The following STMN4 variants were observed in gnomAD, a reference collection of about 807,000 sequenced individuals.
The protein encoded by STMN4 is stathmin-4.
A neutral mutation model predicts 29.1 loss-of-function variants in STMN4; 12 were observed. That is an observed-to-expected ratio of 0.41 (90% CI 0.26 to 0.67). The LOEUF (loss-of-function observed/expected upper bound fraction) is 0.67, where lower values mean the gene tolerates loss of function less well. Ranked by LOEUF, STMN4 falls within the 30% of genes least tolerant of loss-of-function variation. The probability of loss-of-function intolerance (pLI) is 0.30; values close to 1 mark genes in which losing one functional copy is unlikely to be tolerated. For missense variants in STMN4, 181 were observed against 262.8 expected, an observed-to-expected ratio of 0.69 and a Z score of 2.15; for synonymous variants, 114 against 105.3, an observed-to-expected ratio of 1.08 and a Z score of -0.51.
At chr8:27,244,131 CAA>C (rs1172789161) in intron 1 of STMN4, among the ~76,000 whole-genome samples, 5 of 152,170 alleles carry the variant, frequency 3.3e-5, no homozygotes, top group African/African-American at 1.2e-4. Flanking sequence ...GAACCTGGCC[CAA>C]TTCAAGGGTT....
At chr8:27,239,616 A>G (rs1027835848) in intron 6 of STMN4, 5 of 1,192,002 alleles carry the variant, frequency 4.2e-6, no homozygotes, top group South Asian at 1.7e-5. Flanking sequence ...CATCAAATCA[A>G]TCCATTCAGG....
At chr8:27,257,384 A>G (rs1405398333) in intron 1 of STMN4, among the ~76,000 whole-genome samples, 2 of 151,444 alleles carry the variant, frequency 1.3e-5, no homozygotes, top group African/African-American at 4.9e-5. Flanking sequence ...GTCTTAAGAC[A>G]GGGGGTATCC....
chr8:27,248,336 A>T (rs775371273), intron 1 of STMN4, among the ~76,000 whole-genome samples: 3 of 152,154 alleles, frequency 2.0e-5, no homozygotes, highest in South Asian at 2.1e-4. Flanking sequence ...GTTACTATGC[A>T]ATTGAGGTTC....
Position 27,236,526 on chromosome 8 carries a change from C to A in STMN4, c.*320G>T. 1 of 197,918 alleles carries A rather than the reference C, an allele frequency of 5.1e-6. No individual in the cohort carries two copies. The highest frequency in any genetic ancestry group is 1.0e-5 in the Non-Finnish European group (1 of 98,074). The allele number at this position is 197,918 out of a possible 1,614,324, so 12.3% of individuals were successfully genotyped here. On this transcript the variant is annotated 3_prime_UTR_variant, in exon 7 of 7. Coordinates refer to ENST00000350889, the MANE Select transcript of STMN4 (RefSeq NM_030795.4). ...CTCTCCTCAACATGGTGCCTGGAGG[C>A]TCAATGTCCAGGTAGAGATGTGAAA...
chr8:27,252,466 T>G (rs1248661580), intron 1 of STMN4, among the ~76,000 whole-genome samples: 1 of 152,128 alleles, frequency 6.6e-6, no homozygotes, highest in Admixed American at 6.6e-5. Flanking sequence ...AAAAAAATTT[T>G]TTAAGGTAGA....
chr8:27,240,638 G>A (rs2130061972), intron 5 of STMN4, among the ~76,000 whole-genome samples: 1 of 152,244 alleles, frequency 6.6e-6, no homozygotes, highest in African/African-American at 2.4e-5. Context: ...ATAGAAGACG[G>A]TATCAGAATC....
At chr8:27,256,389 G>T (rs1801942819) in intron 1 of STMN4, among the ~76,000 whole-genome samples, 1 of 151,970 alleles carries the variant, frequency 6.6e-6, no homozygotes, top group South Asian at 2.1e-4. Flanking sequence ...AAAAAAAAAA[G>T]GTTGACTATC....
intron 1 of STMN4, among the ~76,000 whole-genome samples, chr8:27,257,001 G>A (rs1801960332): frequency 6.6e-6 from 1 of 152,126 alleles, no homozygotes; most frequent in African/African-American, 2.4e-5. Context: ...ATGCCAGGAG[G>A]GCTGGGACCA....
In STMN4 at chr8:27,240,556, G is replaced by A. The variant is rs145224755; in HGVS notation, c.400-394C>T. On this transcript the variant is annotated intron_variant, in intron 5 of 6. Coordinates refer to ENST00000350889, the MANE Select transcript of STMN4 (RefSeq NM_030795.4). ...CTAGTGTAGACATATGCCCTAAGGTGTAGACAGGATGCACTGAAGGAATTC... is the reference window on the plus strand; with the variant it reads ...CTAGTGTAGACATATGCCCTAAGGTATAGACAGGATGCACTGAAGGAATTC... Among the ~76,000 whole-genome samples the A allele has an allele frequency of 1.8e-4, 28 of 152,254 alleles. No individual in the cohort carries two copies. In the East Asian group the frequency reaches 4.1e-3, roughly 22 times the overall value.
chr8:27,245,514 TTC>T (rs1801599896), intron 1 of STMN4, among the ~76,000 whole-genome samples: 1 of 152,264 alleles, frequency 6.6e-6, no homozygotes, highest in Non-Finnish European at 1.5e-5. Flanking sequence ...ACAATGGGTC[TTC>T]TCTCTGCAGA....
chr8:27,248,645 T>C (rs535605584), intron 1 of STMN4, among the ~76,000 whole-genome samples: 6 of 152,314 alleles, frequency 3.9e-5, no homozygotes, highest in Admixed American at 3.9e-4. Flanking sequence ...AGCACGGCTG[T>C]TATCTCATTT....
chr8:27,243,123 C>T (rs553770355), intron 2 of STMN4, among the ~76,000 whole-genome samples: 2 of 152,334 alleles, frequency 1.3e-5, no homozygotes, highest in South Asian at 4.1e-4. Context: ...CCAGAGCTGT[C>T]CTGGCTCCTG....
chr8:27,253,421 CCT>C (rs1401504032), intron 1 of STMN4, among the ~76,000 whole-genome samples: 1 of 152,182 alleles, frequency 6.6e-6, no homozygotes, highest in Non-Finnish European at 1.5e-5. Flanking sequence ...TAGCAACAAA[CCT>C]CTCTGTACAA....
Position 27,240,048 on chromosome 8 carries a change from G to A in STMN4, c.514C>T (p.Leu172=). 1 of 1,614,200 alleles carries A rather than the reference G, an allele frequency of 6.2e-7. No homozygotes were observed. The highest frequency in any genetic ancestry group is 8.5e-7 in the Non-Finnish European group (1 of 1,180,032). ...TTGTTGGATTCCATCTTCTGGGCCA[G>A]TTTTTCCTTAGCCATCTTGATGAAG... is the stretch of plus-strand genomic sequence containing the variant. The part of the protein sequence containing the change: ...NNFIKMAKEK[L]AQKMESNKEN... Residue 172 remains leucine (L), a synonymous_variant, in exon 6 of 7, where the codon CTG becomes TTG. Transcript: ENST00000350889.
intron 6 of STMN4, among the ~76,000 whole-genome samples, chr8:27,237,504 C>T (rs1208166240): frequency 2.0e-5 from 3 of 152,218 alleles, no homozygotes; most frequent in Non-Finnish European, 4.4e-5. Context: ...ACCCTCCCAC[C>T]TCTGTCTCCC....
At chr8:27,249,192 G>T (rs1011554937) in intron 1 of STMN4, among the ~76,000 whole-genome samples, 1 of 152,190 alleles carries the variant, frequency 6.6e-6, no homozygotes, top group African/African-American at 2.4e-5. Context: ...GCTGTTGACT[G>T]AGGAGGGATC....
chr8:27,256,419 G>C (rs1801944029), intron 1 of STMN4, among the ~76,000 whole-genome samples: 1 of 152,044 alleles, frequency 6.6e-6, no homozygotes, highest in Non-Finnish European at 1.5e-5. Flanking sequence ...TTTTTCATAG[G>C]CTTGTAGTCT....
intron 1 of STMN4, among the ~76,000 whole-genome samples, chr8:27,248,540 T>C (rs977911233): frequency 1.3e-5 from 2 of 152,070 alleles, no homozygotes; most frequent in Admixed American, 6.6e-5. Flanking sequence ...TCCCACCCAG[T>C]AGGAAGCCAC....
chr8:27,239,358 G>A (rs1402291320), intron 6 of STMN4: 3 of 1,478,116 alleles, frequency 2.0e-6, no homozygotes, highest in African/African-American at 2.8e-5. Flanking sequence ...CAGGAAATGA[G>A]GCCAGCGTGT....
Sources: allele counts gnomAD v4.1 joint callset (sites outside exome capture counted in the v4.1 genomes callset), GRCh38; gene constraint gnomAD v4.1.1; transcripts MANE v1.5; gene names NCBI Gene and HGNC (gene_info 2026-07-23, HGNC 2026-07-21).